IGF2BP3: variants seen among roughly 807,000 people sequenced by gnomAD.
IGF2BP3 encodes the protein insulin-like growth factor 2 mRNA-binding protein 3.
Under a neutral mutation model 73.8 loss-of-function variants are expected in IGF2BP3, and 9 were observed. The ratio of observed to expected loss-of-function variants is 0.12; its 90% CI spans 0.07 to 0.21. IGF2BP3 has a LOEUF of 0.21. Among genes scored for constraint, IGF2BP3 ranks in the 10% least tolerant of loss-of-function variants. IGF2BP3 has a pLI of 1.00. For synonymous variants in IGF2BP3, 258 were observed against 256.7 expected, an observed-to-expected ratio of 1.01 and a Z score of -0.05; for missense variants, 542 against 714.0, an observed-to-expected ratio of 0.76 and a Z score of 2.75.
At chr7:23,353,617 G>T (rs1785020479) in intron 5 of IGF2BP3, among the ~76,000 whole-genome samples, 1 of 152,180 alleles carries the variant, frequency 6.6e-6, no homozygotes, top group Non-Finnish European at 1.5e-5. Flanking sequence ...TTCATATTCG[G>T]TTCCTTCATT....
chr7:23,331,769 A>G (rs1784449754), intron 10 of IGF2BP3, among the ~76,000 whole-genome samples: 1 of 151,566 alleles, frequency 6.6e-6, no homozygotes, highest in Admixed American at 6.6e-5. Context: ...CTGAGGCAGG[A>G]GAACTGCTTG....
chr7:23,448,615 CTGTT>C (rs36159876), intron 2 of IGF2BP3, among the ~76,000 whole-genome samples: 26,703 of 150,988 alleles, frequency 0.18, 2,606 homozygotes, highest in South Asian at 0.3. Flanking sequence ...GTTGCCCAGG[CTGTT>C]TGTTTGTTTG....
chr7:23,363,208 G>A (rs1785276438), intron 3 of IGF2BP3, among the ~76,000 whole-genome samples: 1 of 152,204 alleles, frequency 6.6e-6, no homozygotes, highest in Non-Finnish European at 1.5e-5. Context: ...TTTGTCTACT[G>A]TTTCCAGTTT....
At chr7:23,454,167 A>C (rs542817343) in intron 2 of IGF2BP3, among the ~76,000 whole-genome samples, 13 of 152,112 alleles carry the variant, frequency 8.5e-5, no homozygotes, top group Non-Finnish European at 1.9e-4. Context: ...GCCCTTCTGA[A>C]CTGCCACTTC....
At chr7:23,444,978 C>T (rs148919491) in intron 2 of IGF2BP3, among the ~76,000 whole-genome samples, 14 of 152,078 alleles carry the variant, frequency 9.2e-5, no homozygotes, top group Non-Finnish European at 1.8e-4. Context: ...GGATTACTTC[C>T]ATCCAGAATT....
intron 2 of IGF2BP3, among the ~76,000 whole-genome samples, chr7:23,442,060 G>A (rs1230683515): frequency 6.6e-6 from 1 of 152,254 alleles, no homozygotes; most frequent in Non-Finnish European, 1.5e-5. Context: ...CTGGGAGGCA[G>A]AGGCTGCAGT....
intron 13 of IGF2BP3, 54 bp from the exon 14 acceptor site, chr7:23,312,902 C>A: frequency 9.0e-7 from 1 of 1,107,950 alleles, no homozygotes; most frequent in Non-Finnish European, 1.4e-6. Context: ...ACCTTACTTC[C>A]TAAGCACTTA....
intron 5 of IGF2BP3, among the ~76,000 whole-genome samples, chr7:23,354,287 C>T (rs895146367): frequency 6.6e-6 from 1 of 152,232 alleles, no homozygotes; most frequent in Non-Finnish European, 1.5e-5. Flanking sequence ...GCCACCACAC[C>T]TGACCTTAAA....
intron 3 of IGF2BP3, among the ~76,000 whole-genome samples, chr7:23,385,611 G>C (rs1385011744): frequency 6.6e-6 from 1 of 152,104 alleles, no homozygotes; most frequent in Non-Finnish European, 1.5e-5. Context: ...CAATGGGGTA[G>C]GGGGTGGGGG....
rs991496520 is a variant in IGF2BP3 at position 23,310,334 on chromosome 7, T to C, written c.*2028A>G. Reference sequence around the variant, plus strand: ...AGTACAAAACTCAATTATAGAATTATTTCTTAGCTAGTACCAGATACTCCA... The same window carrying C: ...AGTACAAAACTCAATTATAGAATTACTTCTTAGCTAGTACCAGATACTCCA... On this transcript the variant is annotated 3_prime_UTR_variant, in exon 15 of 15. Transcript: ENST00000258729. 6.6e-6 allele frequency: 1 copy of C among 152,242 alleles called. No individual in the cohort carries two copies. Among genetic ancestry groups the C allele is most frequent in the African/African-American group, 2.4e-5 (1 of 41,470 alleles). 9.4% of individuals were successfully genotyped at this position (152,242 alleles called of 1,614,324 possible). A position where few individuals can be genotyped will look rare whatever the true frequency, so the allele number is the denominator to read the frequency against.
intron 3 of IGF2BP3, among the ~76,000 whole-genome samples, chr7:23,389,414 C>G (rs887721699): frequency 2.6e-5 from 4 of 152,120 alleles, no homozygotes; most frequent in African/African-American, 9.7e-5. Flanking sequence ...CCCACCTCAG[C>G]CTCCCAAAGT....
intron 2 of IGF2BP3, among the ~76,000 whole-genome samples, chr7:23,461,444 C>G (rs1788449109): frequency 6.6e-6 from 1 of 152,170 alleles, no homozygotes; most frequent in Non-Finnish European, 1.5e-5. Context: ...ATTAGAAACA[C>G]CATATCAAAA....
chr7:23,416,659 G>A (rs912830645), intron 3 of IGF2BP3, among the ~76,000 whole-genome samples: 1 of 152,212 alleles, frequency 6.6e-6, no homozygotes, highest in Non-Finnish European at 1.5e-5. Context: ...GGGACTCAAT[G>A]CCTAATCTTC....
intron 3 of IGF2BP3, among the ~76,000 whole-genome samples, chr7:23,372,204 A>T (rs2128512361): frequency 6.6e-6 from 1 of 151,960 alleles, no homozygotes; most frequent in South Asian, 2.1e-4. Flanking sequence ...CCTCCCAAGT[A>T]GCTGGGACTA....
At chr7:23,444,468 C>T (rs1011841307) in intron 2 of IGF2BP3, among the ~76,000 whole-genome samples, 1 of 151,982 alleles carries the variant, frequency 6.6e-6, no homozygotes, top group Non-Finnish European at 1.5e-5. Flanking sequence ...AGGTCAGGTG[C>T]GGGGGCTCAC....
intron 2 of IGF2BP3, among the ~76,000 whole-genome samples, chr7:23,423,729 T>C (rs1301034445): frequency 1.3e-5 from 2 of 151,390 alleles, no homozygotes; most frequent in Non-Finnish European, 2.9e-5. Flanking sequence ...TTATAGCTTA[T>C]AAAGGGACCG....
intron 2 of IGF2BP3, among the ~76,000 whole-genome samples, chr7:23,464,918 TAGG>T (rs1293959408): frequency 6.6e-6 from 1 of 152,064 alleles, no homozygotes; most frequent in Non-Finnish European, 1.5e-5. Context: ...CTTCATCACA[TAGG>T]AGGCAGCAAC....
chr7:23,338,044 C>A (rs571981493), intron 10 of IGF2BP3, among the ~76,000 whole-genome samples: 9 of 152,226 alleles, frequency 5.9e-5, no homozygotes, highest in African/African-American at 2.2e-4. Context: ...AGTAACAATA[C>A]ATACCCAAAC....
chr7:23,449,891 T>TAG (rs1788156613), intron 2 of IGF2BP3, among the ~76,000 whole-genome samples: 1 of 152,064 alleles, frequency 6.6e-6, no homozygotes, highest in Admixed American at 6.6e-5. Flanking sequence ...AACCACACAT[T>TAG]AGAGCAGAGC....
Sources: allele counts gnomAD v4.1 joint callset (sites outside exome capture counted in the v4.1 genomes callset), GRCh38; gene constraint gnomAD v4.1.1; transcripts MANE v1.5; gene names NCBI Gene and HGNC (gene_info 2026-07-23, HGNC 2026-07-21).